SRGAP1: variants seen among roughly 807,000 people sequenced by gnomAD.
The protein encoded by SRGAP1 is SLIT-ROBO Rho GTPase activating protein 1, also known as SLIT-ROBO Rho GTPase-activating protein 1.
Under a neutral mutation model 121.9 loss-of-function variants are expected in SRGAP1, and 43 were observed. The ratio of observed to expected loss-of-function variants is 0.35; its 90% CI spans 0.28 to 0.46. SRGAP1 has a LOEUF of 0.46. Among genes scored for constraint, SRGAP1 ranks in the 20% least tolerant of loss-of-function variants. The pLI is 1.00. For synonymous variants in SRGAP1, 447 were observed against 485.4 expected (o/e 0.92, Z 1.04); for missense variants, 1,102 against 1,350.9 (o/e 0.82, Z 2.89).
intron 4 of SRGAP1, among the ~76,000 whole-genome samples, chr12:64,019,610 AT>A (rs1379548711): frequency 6.6e-6 from 1 of 152,042 alleles, no homozygotes; most frequent in Non-Finnish European, 1.5e-5. Flanking sequence ...AGGAGATGCT[AT>A]TTTGTCTTTC....
intron 1 of SRGAP1, among the ~76,000 whole-genome samples, chr12:63,849,811 A>G (rs1181113855): frequency 1.3e-5 from 2 of 152,218 alleles, no homozygotes; most frequent in African/African-American, 4.8e-5. Flanking sequence ...AGAGTTGCAC[A>G]ATTAAGACGT....
intron 9 of SRGAP1, among the ~76,000 whole-genome samples, chr12:64,079,465 C>T (rs2035797792): frequency 6.7e-6 from 1 of 148,968 alleles, no homozygotes; most frequent in Non-Finnish European, 1.5e-5. Context: ...CCTGTCTCTA[C>T]AAAACATATA....
At chr12:63,990,167 A>G (rs2033515313) in intron 3 of SRGAP1, 95 bp downstream of exon 3, 1 of 937,466 alleles carries the variant, frequency 1.1e-6, no homozygotes, top group Middle Eastern at 3.2e-4. Context: ...AGGTGAATGA[A>G]TGAATCCTTT....
intron 1 of SRGAP1, among the ~76,000 whole-genome samples, chr12:63,880,492 C>T (rs545328722): frequency 4.3e-4 from 65 of 152,192 alleles, no homozygotes; most frequent in South Asian, 1.2e-3. Flanking sequence ...CATCGGCCTC[C>T]GAAAGTGCTG....
intron 1 of SRGAP1, among the ~76,000 whole-genome samples, chr12:63,920,741 G>T (rs926382657): frequency 6.6e-5 from 10 of 152,120 alleles, no homozygotes; most frequent in African/African-American, 2.4e-4. Flanking sequence ...GTAGGCTGGT[G>T]AGTGAGACCT....
intron 1 of SRGAP1, among the ~76,000 whole-genome samples, chr12:63,953,154 A>T (rs1357348815): frequency 6.6e-6 from 1 of 152,134 alleles, no homozygotes; most frequent in Non-Finnish European, 1.5e-5. Flanking sequence ...ATTATACCAG[A>T]TTGTCCAGTG....
rs66959510 is a variant in SRGAP1, at chr12:64,072,108, CTGTGTGTGTGTGTG to C, written c.1126-6784_1126-6771del. On this transcript the variant is annotated intron_variant, in intron 8 of 21. Coordinates refer to ENST00000355086, the MANE Select transcript of SRGAP1 (RefSeq NM_020762.4). The stretch of plus-strand genomic sequence containing the variant: ...ATTACGGAGTTGACCCAATCTCTCT[CTGTGTGTGTGTGTG>C]TGTGTGTGTGTGTGTGTGTGTGTGT... Among the ~76,000 whole-genome samples, 15 of 80,428 alleles carry C rather than the reference CTGTGTGTGTGTGTG, an allele frequency of 1.9e-4. 1 individual carries two copies. The highest frequency in any genetic ancestry group is 7.2e-5 in the Non-Finnish European group (3 of 41,884). The allele number at this position is 80,428 out of a possible 152,430, so 52.8% of individuals were successfully genotyped here.
intron 1 of SRGAP1, among the ~76,000 whole-genome samples, chr12:63,973,826 G>A (rs572542109): frequency 1.3e-5 from 2 of 152,056 alleles, no homozygotes; most frequent in South Asian, 4.2e-4. Context: ...AGAAAAACAT[G>A]TGTAAACTTT....
intron 1 of SRGAP1, among the ~76,000 whole-genome samples, chr12:63,935,901 G>T (rs1334761666): frequency 6.6e-6 from 1 of 151,974 alleles, no homozygotes. Flanking sequence ...AATTTTAGCT[G>T]GGAAATCCAG....
At chr12:64,103,128 C>T (rs939267441) in intron 15 of SRGAP1, among the ~76,000 whole-genome samples, 4 of 152,050 alleles carry the variant, frequency 2.6e-5, no homozygotes, top group African/African-American at 7.2e-5. Flanking sequence ...CACAGGCGTG[C>T]ACCACCACAC....
intron 1 of SRGAP1, among the ~76,000 whole-genome samples, chr12:63,852,865 TTGTC>T (rs1156760629): frequency 1.1e-4 from 17 of 152,248 alleles, no homozygotes; most frequent in African/African-American, 1.7e-4. Context: ...TTAGAAATCA[TTGTC>T]TGTGCATCTC....
intron 3 of SRGAP1, among the ~76,000 whole-genome samples, chr12:63,993,507 C>T (rs1269416290): frequency 6.6e-6 from 1 of 152,146 alleles, no homozygotes. Context: ...TGCTTGTTTT[C>T]CTTGGGGAGA....
intron 1 of SRGAP1, among the ~76,000 whole-genome samples, chr12:63,865,528 A>G (rs1385086815): frequency 6.6e-6 from 1 of 152,144 alleles, no homozygotes; most frequent in Non-Finnish European, 1.5e-5. Flanking sequence ...CTTGAAAAGC[A>G]TTTTCTGCAT....
chr12:63,891,121 A>G (rs1214449275), intron 1 of SRGAP1, among the ~76,000 whole-genome samples: 2 of 152,070 alleles, frequency 1.3e-5, no homozygotes, highest in Non-Finnish European at 2.9e-5. Context: ...TGCAACTCCC[A>G]TGCATAGCTC....
chr12:63,886,590 C>T (rs966808979), intron 1 of SRGAP1, among the ~76,000 whole-genome samples: 13 of 152,006 alleles, frequency 8.6e-5, no homozygotes, highest in African/African-American at 3.1e-4. Context: ...GGCGATCCTC[C>T]CACTTCAGCC....
At chr12:64,004,660 G>A (rs1052844271) in intron 3 of SRGAP1, among the ~76,000 whole-genome samples, 18 of 152,114 alleles carry the variant, frequency 1.2e-4, no homozygotes, top group South Asian at 4.1e-4. Context: ...GTGAGCCACC[G>A]CGCTCGGCCC....
intron 17 of SRGAP1, among the ~76,000 whole-genome samples, chr12:64,112,426 TC>T (rs1288687243): frequency 6.6e-6 from 1 of 152,194 alleles, no homozygotes; most frequent in African/African-American, 2.4e-5. Context: ...TTTTCACTCT[TC>T]CTAATGAATA....
chr12:64,000,842 G>C lies in SRGAP1; in HGVS notation c.426+10770G>C, dbSNP rs2033870780. 6.6e-5 allele frequency among the ~76,000 whole-genome samples: 10 copies of C among 152,280 alleles called. No homozygotes were observed. The South Asian group carries it at 2.1e-3, about 32-fold the overall frequency. ...CTATTCCTGTTTCTTTGTGAAGTTA[G>C]AAGTGATAACATCTCATAAGCAAGA... On this transcript the variant is annotated intron_variant, in intron 3 of 21. Transcript: ENST00000355086.
chr12:63,896,777 G>A (rs11175204), intron 1 of SRGAP1, among the ~76,000 whole-genome samples: 7,327 of 152,242 alleles, frequency 0.048, 274 homozygotes, highest in Middle Eastern at 0.14. Context: ...TCACTTTACC[G>A]TCTTTTCTTT....
Sources: allele counts gnomAD v4.1 joint callset (sites outside exome capture counted in the v4.1 genomes callset), GRCh38; gene constraint gnomAD v4.1.1; transcripts MANE v1.5; gene names NCBI Gene and HGNC (gene_info 2026-07-23, HGNC 2026-07-21).